The following CAMKMT variants were observed in gnomAD, a reference collection of about 807,000 sequenced individuals.
CAMKMT encodes CaM KMT.
Under a neutral mutation model 48.0 loss-of-function variants are expected in CAMKMT, and 53 were observed. The observed-to-expected ratio is 1.10, with a 90% CI of 0.89 to 1.39. The LOEUF is 1.39. Ranked by LOEUF, CAMKMT falls within the 40% of genes most tolerant of loss-of-function variation. CAMKMT has a pLI of 0.00. For synonymous variants in CAMKMT, 165 were observed against 152.3 expected (o/e 1.08, Z -0.61); for missense variants, 428 against 402.7 (o/e 1.06, Z -0.54).
intron 10 of CAMKMT, among the ~76,000 whole-genome samples, chr2:44,769,093 G>C (rs1056783055): frequency 6.6e-6 from 1 of 150,860 alleles, no homozygotes; most frequent in Non-Finnish European, 1.5e-5. Flanking sequence ...CTTACAACAG[G>C]GGAAAAAATT....
At chr2:44,566,921 A>C (rs1368774096) in intron 3 of CAMKMT, among the ~76,000 whole-genome samples, 1 of 152,214 alleles carries the variant, frequency 6.6e-6, no homozygotes, top group Non-Finnish European at 1.5e-5. Context: ...CTGATCTGTA[A>C]ATATTTCTCA....
At chr2:44,393,001 A>G (rs937152767) in intron 3 of CAMKMT, among the ~76,000 whole-genome samples, 1 of 152,160 alleles carries the variant, frequency 6.6e-6, no homozygotes, top group Admixed American at 6.5e-5. Flanking sequence ...TAACTAAAAC[A>G]TTTTCTAGTC....
intron 3 of CAMKMT, among the ~76,000 whole-genome samples, chr2:44,670,762 T>C (rs1259104823): frequency 6.6e-6 from 1 of 152,180 alleles, no homozygotes; most frequent in Non-Finnish European, 1.5e-5. Flanking sequence ...GCCTTAAAAT[T>C]TGCATTTCTA....
chr2:44,420,961 T>A (rs1683899177), intron 3 of CAMKMT, among the ~76,000 whole-genome samples: 1 of 152,124 alleles, frequency 6.6e-6, no homozygotes, highest in African/African-American at 2.4e-5. Context: ...ACAAAGAAAG[T>A]GCTAAATCCT....
intron 3 of CAMKMT, among the ~76,000 whole-genome samples, chr2:44,523,831 G>A (rs1456042945): frequency 1.4e-5 from 2 of 142,134 alleles, no homozygotes; most frequent in African/African-American, 5.3e-5. Flanking sequence ...AGGCTGGAGT[G>A]CAGTGGCGTG....
intron 3 of CAMKMT, among the ~76,000 whole-genome samples, chr2:44,582,718 A>T (rs1382594551): frequency 6.6e-6 from 1 of 152,208 alleles, no homozygotes; most frequent in African/African-American, 2.4e-5. Context: ...GGAGGAGATA[A>T]TGGGTGGAGT....
intron 3 of CAMKMT, among the ~76,000 whole-genome samples, chr2:44,649,799 C>T (rs1258673279): frequency 2.0e-5 from 3 of 152,188 alleles, no homozygotes; most frequent in African/African-American, 7.2e-5. Flanking sequence ...TTCTTAGTAT[C>T]AAGCGGGTCA....
chr2:44,706,372 A>G, intron 5 of CAMKMT, 31 bp downstream of exon 5: 1 of 1,610,152 alleles, frequency 6.2e-7, no homozygotes, highest in Non-Finnish European at 8.5e-7. Context: ...AATCCCATTC[A>G]GAGGGAGGAA....
chr2:44,606,811 C>G (rs1671310807), intron 3 of CAMKMT, among the ~76,000 whole-genome samples: 1 of 150,144 alleles, frequency 6.7e-6, no homozygotes, highest in African/African-American at 2.5e-5. Context: ...TAATGTGACC[C>G]CCCCCCCACC....
In CAMKMT at chr2:44,551,675, G is replaced by A. The variant is rs113683282; in HGVS notation, c.377-152608G>A. ...ATGGCAGCAGTGGAAAAGATTTGTC[G>A]AAAACTCATGTCACTGTAGATGAAT... On this transcript the variant is annotated intron_variant, in intron 3 of 10. Coordinates refer to ENST00000378494, the MANE Select transcript of CAMKMT (RefSeq NM_024766.5). Among the ~76,000 whole-genome samples the A allele has an allele frequency of 3.5e-3, 536 of 152,222 alleles. 4 individuals carry two copies. Among genetic ancestry groups the A allele is most frequent in the African/African-American group, 0.012 (512 of 41,526 alleles).
At chr2:44,409,036 C>T (rs1381853629) in intron 3 of CAMKMT, among the ~76,000 whole-genome samples, 1 of 150,376 alleles carries the variant, frequency 6.6e-6, no homozygotes, top group Non-Finnish European at 1.5e-5. Context: ...GCCACCGCAC[C>T]CAGCCTGCTT....
At chr2:44,594,076 G>T (rs942840179) in intron 3 of CAMKMT, among the ~76,000 whole-genome samples, 9 of 151,992 alleles carry the variant, frequency 5.9e-5, no homozygotes, top group Admixed American at 1.3e-4. Flanking sequence ...GCTACAAAGA[G>T]AATAAAATAC....
chr2:44,376,226 C>T (rs1679675472), intron 2 of CAMKMT, among the ~76,000 whole-genome samples: 1 of 151,942 alleles, frequency 6.6e-6, no homozygotes, highest in African/African-American at 2.4e-5. Context: ...GCCTGGCCAA[C>T]ATGCTGAAAC....
At chr2:44,396,835 C>T (rs756900342) in intron 3 of CAMKMT, among the ~76,000 whole-genome samples, 4 of 151,418 alleles carry the variant, frequency 2.6e-5, no homozygotes, top group Non-Finnish European at 4.4e-5. Context: ...CCAAGGTGGG[C>T]GGATCACAAG....
rs529376383 is a variant in CAMKMT, at chr2:44,510,000, T to C, written c.376+119695T>C. On this transcript the variant is annotated intron_variant, in intron 3 of 10. Transcript: ENST00000378494. The stretch of plus-strand genomic sequence containing the variant: ...TCTGTTATAGCAATAAAAAATGGAC[T>C]ATGACAGTTCTCAAATACTTTTCCC... Among the ~76,000 whole-genome samples the C allele has an allele frequency of 7.9e-5, 12 of 152,334 alleles. No homozygotes were observed. In the East Asian group the frequency reaches 2.3e-3, roughly 29 times the overall value.
chr2:44,523,262 T>C lies in CAMKMT; in HGVS notation c.376+132957T>C, dbSNP rs531790882. 1.7e-4 allele frequency among the ~76,000 whole-genome samples: 26 copies of C among 152,002 alleles called. No individual in the cohort carries two copies. The East Asian group carries it at 2.9e-3, about 17-fold the overall frequency. ...TGTCTCTTCTCTGCTACATGATGTC[T>C]TGGGCTTCTGCTGGGGTCAAGGGGA... On this transcript the variant is annotated intron_variant, in intron 3 of 10. Transcript: ENST00000378494.
At chr2:44,474,956 C>T (rs756375283) in intron 3 of CAMKMT, among the ~76,000 whole-genome samples, 1 of 152,052 alleles carries the variant, frequency 6.6e-6, no homozygotes, top group Non-Finnish European at 1.5e-5. Context: ...ACTGGCCAGA[C>T]ACAAGAATGA....
chr2:44,369,783 C>T (rs899614365), intron 1 of CAMKMT: 19 of 152,174 alleles, frequency 1.2e-4, no homozygotes, highest in African/African-American at 4.3e-4. Flanking sequence ...ATTAGAGAGT[C>T]AACACTGGAA....
At chr2:44,453,597 G>A (rs1281587494) in intron 3 of CAMKMT, among the ~76,000 whole-genome samples, 4 of 152,042 alleles carry the variant, frequency 2.6e-5, no homozygotes, top group Non-Finnish European at 4.4e-5. Flanking sequence ...GTCATCTTTA[G>A]TATAGAGAAT....
Sources: gnomAD v4.1 joint callset for allele counts (sites outside exome capture counted in the v4.1 genomes callset) on GRCh38, gnomAD v4.1.1 for gene constraint, MANE v1.5 for transcripts, NCBI Gene and HGNC (gene_info 2026-07-23, HGNC 2026-07-21) for gene names.